Variants in REV1 observed in about 807,000 individuals in gnomAD.
REV1 encodes REV1 DNA directed polymerase.
Under a neutral mutation model 137.4 loss-of-function variants are expected in REV1, and 42 were observed. That is an observed-to-expected ratio of 0.31 (90% CI 0.24 to 0.40). The LOEUF (loss-of-function observed/expected upper bound fraction) is 0.40. Ranked by LOEUF, REV1 falls within the 10% of genes least tolerant of loss-of-function variation. The pLI is 1.00. For synonymous variants in REV1, 524 were observed against 519.2 expected (o/e 1.01, Z -0.12); for missense variants, 1,282 against 1,490.1 (o/e 0.86, Z 2.30).
intron 13 of REV1, among the ~76,000 whole-genome samples, chr2:99,412,198 A>G (rs937725053): frequency 2.9e-5 from 4 of 137,528 alleles, no homozygotes; most frequent in Admixed American, 8.4e-5. Flanking sequence ...GCGCCACTGC[A>G]CTCCACCCTG....
At chr2:99,451,533 G>C in intron 3 of REV1, 1 of 1,262,880 alleles carries the variant, frequency 7.9e-7, no homozygotes, top group East Asian at 5.6e-5. Flanking sequence ...ATAAACTATG[G>C]AATAAGACCG....
intron 3 of REV1, among the ~76,000 whole-genome samples, chr2:99,453,432 C>T (rs191648338): frequency 2.0e-5 from 3 of 152,098 alleles, no homozygotes; most frequent in African/African-American, 4.8e-5. Flanking sequence ...TACCCCAAAC[C>T]GGGAAGCAAG....
intron 10 of REV1, among the ~76,000 whole-genome samples, chr2:99,422,156 T>C (rs1435817351): frequency 6.6e-6 from 1 of 152,150 alleles, no homozygotes; most frequent in Non-Finnish European, 1.5e-5. Context: ...AGGCCTAGAA[T>C]ACAGAAGGAA....
intron 9 of REV1, among the ~76,000 whole-genome samples, chr2:99,427,764 C>T (rs923194975): frequency 3.3e-5 from 5 of 152,088 alleles, no homozygotes; most frequent in Admixed American, 1.3e-4. Flanking sequence ...AAAAATCTTA[C>T]GGCTGCATTT....
intron 3 of REV1, among the ~76,000 whole-genome samples, chr2:99,460,201 C>T (rs1269033083): frequency 3.3e-5 from 5 of 152,140 alleles, no homozygotes; most frequent in African/African-American, 1.2e-4. Context: ...CTCAGCCTCC[C>T]GAGTAGCTGG....
intron 7 of REV1, among the ~76,000 whole-genome samples, chr2:99,435,080 T>C (rs1680571730): frequency 6.6e-6 from 1 of 152,136 alleles, no homozygotes; most frequent in African/African-American, 2.4e-5. Context: ...AGAAATAAAA[T>C]CAACAATGCA....
intron 22 of REV1, 46 bp downstream of exon 22, chr2:99,402,198 G>A (rs1234957178): frequency 1.2e-6 from 1 of 800,668 alleles, no homozygotes; most frequent in Non-Finnish European, 2.1e-6. Context: ...CTCAGCCATT[G>A]TGACATGCCA....
At chr2:99,409,316 G>A (rs1328275723) in intron 14 of REV1, among the ~76,000 whole-genome samples, 5 of 152,204 alleles carry the variant, frequency 3.3e-5, no homozygotes, top group South Asian at 4.2e-4. Flanking sequence ...GTCGTCTCAC[G>A]ACTTAGCAAT....
At chr2:99,419,880 T>C (rs541551062) in intron 11 of REV1, among the ~76,000 whole-genome samples, 1 of 152,270 alleles carries the variant, frequency 6.6e-6, no homozygotes, top group East Asian at 1.9e-4. Flanking sequence ...CTTGGTTTTA[T>C]AGAAGACTTA....
intron 3 of REV1, chr2:99,451,622 C>T (rs1682931890): frequency 3.8e-6 from 2 of 523,548 alleles, no homozygotes; most frequent in South Asian, 1.6e-5. Context: ...AGGCTTTCTC[C>T]TCTTTCTCCA....
intron 12 of REV1, among the ~76,000 whole-genome samples, chr2:99,413,312 A>G (rs1677441265): frequency 6.6e-6 from 1 of 152,238 alleles, no homozygotes; most frequent in African/African-American, 2.4e-5. Context: ...ACAAGTCTAT[A>G]GTGTGACTTA....
chr2:99,473,995 C>T lies in REV1; in HGVS notation c.-10-9010G>A, dbSNP rs182417820. On this transcript the variant is annotated intron_variant, in intron 1 of 22. Coordinates refer to ENST00000258428, the MANE Select transcript of REV1 (RefSeq NM_016316.4). ...TCTTGCTCTATTTATAAAAGCAATT[C>T]GTGTTTATTGCAGAAAATTGGAAAA... Among the ~76,000 whole-genome samples, 4 of 152,204 alleles carry T rather than the reference C, an allele frequency of 2.6e-5. No homozygotes were observed. In the East Asian group the frequency reaches 5.8e-4, roughly 22 times the overall value.
chr2:99,402,768 T>G lies in REV1; in HGVS notation c.3417A>C (p.Pro1139=). Residue 1139 remains proline (P), a synonymous_variant, in exon 21 of 23, where the codon CCA becomes CCC. Coordinates refer to ENST00000258428, the MANE Select transcript of REV1 (RefSeq NM_016316.4). ...GGTCAGACTGCAAACTAGAAAGGCC[T>G]GGCACACCTGAAGTAGAAGCAGAGA... ...EELSASTSGV[P]GLSSLQSDPA... is the part of the protein sequence containing the mutation. 1 of 1,614,186 alleles carries G rather than the reference T, an allele frequency of 6.2e-7. No homozygotes were observed. Among genetic ancestry groups the G allele is most frequent in the Non-Finnish European group, 8.5e-7 (1 of 1,180,024 alleles).
chr2:99,402,504 A>G (rs879634714), intron 21 of REV1, 140 bp downstream of exon 21: 1 of 928,134 alleles, frequency 1.1e-6, no homozygotes, highest in Non-Finnish European at 1.6e-6. Context: ...CCCAGAATTT[A>G]AAAGATTTGG....
At chr2:99,485,915 A>G (rs1427308054) in intron 1 of REV1, among the ~76,000 whole-genome samples, 1 of 152,062 alleles carries the variant, frequency 6.6e-6, no homozygotes, top group Non-Finnish European at 1.5e-5. Flanking sequence ...ACTGTAGCCC[A>G]AGAGTTTGAG....
chr2:99,454,310 T>C (rs933218198), intron 3 of REV1, among the ~76,000 whole-genome samples: 8 of 151,866 alleles, frequency 5.3e-5, no homozygotes, highest in African/African-American at 1.9e-4. Context: ...AGCACTTTGG[T>C]AGGCCACAGC....
intron 1 of REV1, among the ~76,000 whole-genome samples, chr2:99,475,301 A>G (rs1229164611): frequency 1.3e-5 from 2 of 152,196 alleles, no homozygotes; most frequent in African/African-American, 4.8e-5. Context: ...AAAAGAGGCA[A>G]AGGTGGAGGA....
At position 99,450,761 on chromosome 2, in the gene REV1, C is replaced by T. The variant is rs28369960; in HGVS notation, c.182-1257G>A. Reference sequence around the variant, plus strand: ...AAATATTATTTCAACATGTAATCAACAGAAAAAATCTGAGATATTTACTTT... The same window carrying T: ...AAATATTATTTCAACATGTAATCAATAGAAAAAATCTGAGATATTTACTTT... On this transcript the variant is annotated intron_variant, in intron 3 of 22. Transcript: ENST00000258428. 6.2e-3 allele frequency among the ~76,000 whole-genome samples: 948 copies of T among 152,180 alleles called. 13 individuals carry two copies. The highest frequency in any genetic ancestry group is 0.053 in the East Asian group (275 of 5,178).
At chr2:99,415,189 T>C (rs1461357912) in intron 12 of REV1, among the ~76,000 whole-genome samples, 1 of 151,952 alleles carries the variant, frequency 6.6e-6, no homozygotes, top group Non-Finnish European at 1.5e-5. Flanking sequence ...ACTAAATACG[T>C]CAATTAAGTA....
Sources: gnomAD v4.1 joint callset for allele counts (sites outside exome capture counted in the v4.1 genomes callset) on GRCh38, gnomAD v4.1.1 for gene constraint, MANE v1.5 for transcripts, NCBI Gene and HGNC (gene_info 2026-07-23, HGNC 2026-07-21) for gene names.